The following SNX25 variants were observed in gnomAD, a reference collection of about 807,000 sequenced individuals.
The protein encoded by SNX25 is sorting nexin 25.
In SNX25, 62 loss-of-function variants were observed where a neutral mutation model predicts 113.7. The observed-to-expected ratio is 0.55, with a 90% CI of 0.44 to 0.67. The LOEUF is 0.67. Among genes scored for constraint, SNX25 ranks in the 30% least tolerant of loss-of-function variants. SNX25 has a pLI of 0.00. For missense variants in SNX25, 1,014 were observed against 1,161.0 expected (o/e 0.87, Z 1.84); for synonymous variants, 421 against 436.2 (o/e 0.97, Z 0.43).
intron 1 of SNX25, among the ~76,000 whole-genome samples, chr4:185,234,959 A>C (rs923648685): frequency 9.9e-5 from 15 of 152,172 alleles, no homozygotes; most frequent in South Asian, 4.1e-4. Flanking sequence ...TGCTTTTGCC[A>C]CTCTAATGTG....
the SNX25 span, chr4:185,377,134 C>T: frequency 2.6e-6 from 2 of 767,458 alleles, no homozygotes; most frequent in African/African-American, 1.7e-5. Flanking sequence ...TTCTAGTGCT[C>T]ATTCCTACAA....
chr4:185,221,329 G>A (rs2126346240), intron 1 of SNX25, among the ~76,000 whole-genome samples: 1 of 152,080 alleles, frequency 6.6e-6, no homozygotes, highest in South Asian at 2.1e-4. Context: ...CACTGTGCCT[G>A]ACCCGGGCTA....
intron 5 of SNX25, among the ~76,000 whole-genome samples, chr4:185,267,605 C>G (rs905521795): frequency 6.6e-6 from 1 of 152,030 alleles, no homozygotes; most frequent in Non-Finnish European, 1.5e-5. Flanking sequence ...GTGGCACATG[C>G]CTGTAGTCCC....
At chr4:185,241,208 G>A (rs1032790680) in intron 1 of SNX25, among the ~76,000 whole-genome samples, 15 of 152,184 alleles carry the variant, frequency 9.9e-5, no homozygotes, top group Admixed American at 3.9e-4. Flanking sequence ...GAGTGAACGC[G>A]ACTCCGTCTG....
Position 185,361,991 on chromosome 4 carries a change from C to G in SNX25, c.2719C>G (p.Arg907Gly). The change falls in exon 17 of 19, where the codon CGG becomes GGG. Residue 907 changes from arginine (R) to glycine (G), a missense_variant. By Grantham distance (125) the Arg-to-Gly change is moderately radical. Transcript: ENST00000652585. Reference protein sequence around the residue: ...QMLVYYINIFRDAFWPNGKLA... With the variant: ...QMLVYYINIFGDAFWPNGKLA... Reference sequence around the variant, plus strand: ...GTTGGTTTACTACATCAATATTTTCCGGGATGCTTTTTGGCCAAATGGGAA... The same window carrying G: ...GTTGGTTTACTACATCAATATTTTCGGGGATGCTTTTTGGCCAAATGGGAA... The G allele has an allele frequency of 6.2e-7, 1 of 1,613,864 alleles. No homozygotes were observed. Among genetic ancestry groups the G allele is most frequent in the East Asian group, 2.2e-5 (1 of 44,872 alleles).
chr4:185,281,922 A>G (rs1750628486), intron 5 of SNX25, among the ~76,000 whole-genome samples: 1 of 152,132 alleles, frequency 6.6e-6, no homozygotes, highest in Non-Finnish European at 1.5e-5. Context: ...AGGCTGAGAC[A>G]TGAGAATCGC....
chr4:185,225,067 G>C (rs546786317), intron 1 of SNX25, among the ~76,000 whole-genome samples: 2 of 150,132 alleles, frequency 1.3e-5, no homozygotes, highest in South Asian at 4.2e-4. Context: ...TGAGATCTAT[G>C]TATTGCAAAA....
intron 5 of SNX25, among the ~76,000 whole-genome samples, chr4:185,273,891 G>C (rs535935189): frequency 2.0e-5 from 3 of 152,188 alleles, no homozygotes; most frequent in Non-Finnish European, 4.4e-5. Context: ...TGGTGTGGGG[G>C]CTCCATCCTT....
chr4:185,269,102 C>CCG (rs1290882425), intron 5 of SNX25, among the ~76,000 whole-genome samples: 1 of 152,102 alleles, frequency 6.6e-6, no homozygotes, highest in East Asian at 1.9e-4. Context: ...AACCCAAGAG[C>CCG]CAGTATTCCA....
In SNX25 at chr4:185,286,216, A is replaced by G. The variant is rs980323256; in HGVS notation, c.1092-1796A>G. Among the ~76,000 whole-genome samples, 3 of 152,116 alleles carry G rather than the reference A, an allele frequency of 2.0e-5. No individual in the cohort carries two copies. In the East Asian group the frequency reaches 5.8e-4, roughly 29 times the overall value. On this transcript the variant is annotated intron_variant, in intron 5 of 18. Transcript: ENST00000652585. ...CTGAGACTTTGAACTCCTGGGTTCA[A>G]TTGATCCTTCTGCCTCAGCCTCCAT...
downstream of SNX25, chr4:185,370,543 G>T: frequency 1.6e-6 from 2 of 1,252,138 alleles, no homozygotes; most frequent in Non-Finnish European, 1.1e-6. Context: ...CACAGTAATT[G>T]AGTAGAAAAA....
chr4:185,273,397 C>T (rs1378277718), intron 5 of SNX25, among the ~76,000 whole-genome samples: 1 of 152,236 alleles, frequency 6.6e-6, no homozygotes, highest in African/African-American at 2.4e-5. Context: ...CTGCCTCAGC[C>T]TCCCAAAGTG....
At chr4:185,340,686 C>T (rs1276177149) in intron 11 of SNX25, among the ~76,000 whole-genome samples, 5 of 151,840 alleles carry the variant, frequency 3.3e-5, no homozygotes, top group Non-Finnish European at 7.4e-5. Context: ...TAGAGCTGGC[C>T]CTGACACTTC....
At chr4:185,213,196 G>A (rs1738214505) in intron 1 of SNX25, among the ~76,000 whole-genome samples, 1 of 152,162 alleles carries the variant, frequency 6.6e-6, no homozygotes, top group Admixed American at 6.5e-5. Flanking sequence ...AGAAGTGTTC[G>A]CTGATGATGG....
At chr4:185,350,099 C>G (rs979152108) in intron 13 of SNX25, among the ~76,000 whole-genome samples, 16 of 152,234 alleles carry the variant, frequency 1.1e-4, no homozygotes, top group African/African-American at 3.6e-4. Flanking sequence ...CTGCCCACCT[C>G]CAGGCCAGTC....
At chr4:185,227,651 G>A (rs988356795) in intron 1 of SNX25, among the ~76,000 whole-genome samples, 1 of 152,104 alleles carries the variant, frequency 6.6e-6, no homozygotes, top group Non-Finnish European at 1.5e-5. Context: ...TCTGGCTTGG[G>A]GGTTAAATGT....
intron 1 of SNX25, among the ~76,000 whole-genome samples, chr4:185,238,866 G>A (rs72708027): frequency 0.1 from 15,793 of 152,198 alleles, 959 homozygotes; most frequent in Non-Finnish European, 0.13. Context: ...AAAATTGCAC[G>A]TTACAGGTTG....
intron 3 of SNX25, among the ~76,000 whole-genome samples, chr4:185,262,075 T>G (rs1310962592): frequency 6.6e-6 from 1 of 152,174 alleles, no homozygotes; most frequent in East Asian, 1.9e-4. Flanking sequence ...AGTGTGCAGA[T>G]CTCTAGTGGC....
Position 185,306,667 on chromosome 4 carries a change from C to T in SNX25, c.1163-3968C>T, listed in dbSNP as rs1291565589. On this transcript the variant is annotated intron_variant, in intron 6 of 18. Coordinates refer to ENST00000652585, the MANE Select transcript of SNX25 (RefSeq NM_001378034.2). ...CTAGGTTTGTTTTATAAATAAGAGG[C>T]AACTTTAGTCCCAGAATTTTTAGAT... 2.6e-5 allele frequency among the ~76,000 whole-genome samples: 4 copies of T among 152,144 alleles called. No homozygotes were observed. The East Asian group carries it at 5.8e-4, about 22-fold the overall frequency.
Sources: allele counts gnomAD v4.1 joint callset (sites outside exome capture counted in the v4.1 genomes callset), GRCh38; gene constraint gnomAD v4.1.1; transcripts MANE v1.5; gene names NCBI Gene and HGNC (gene_info 2026-07-23, HGNC 2026-07-21).